The following GAB2 variants were observed in gnomAD, a reference collection of about 807,000 sequenced individuals.
GAB2 encodes the protein GRB2 associated binding protein 2.
GAB2 carries 26 observed loss-of-function variants against 65.5 expected under a neutral mutation model. The observed-to-expected ratio is 0.40, with a 90% CI of 0.29 to 0.55. The LOEUF (loss-of-function observed/expected upper bound fraction) is 0.55. Among genes scored for constraint, GAB2 ranks in the 20% least tolerant of loss-of-function variants. The pLI, the probability that GAB2 is intolerant of heterozygous loss-of-function variation, is 0.53. For missense variants in GAB2, 884 were observed against 875.8 expected (o/e 1.01, Z -0.12); for synonymous variants, 321 against 329.6 (o/e 0.97, Z 0.28).
intron 2 of GAB2, among the ~76,000 whole-genome samples, chr11:78,261,036 GCTGT>G (rs1042496480): frequency 5.3e-5 from 8 of 151,846 alleles, no homozygotes; most frequent in East Asian, 1.9e-4. Context: ...ACTGGAAGAC[GCTGT>G]CTGTCTGTCT....
chr11:78,280,847 C>A lies in GAB2; in HGVS notation c.130G>T (p.Asp44Tyr), dbSNP rs758911105. ...TCGTTCTTGTAGTATTCCAGAACAT[C>A]TGGGTCACCGCTCATCCGGCCACTC... The part of the protein sequence containing the change: ...LRSGRMSGDP[D>Y]VLEYYKNDHS... Residue 44 changes from aspartate to tyrosine, a missense_variant, in exon 2 of 10, where the codon GAT becomes TAT. By Grantham distance (160) the Asp-to-Tyr change is radical. Transcript: ENST00000361507. 3 of 1,614,022 alleles carry A rather than the reference C, an allele frequency of 1.9e-6. No homozygotes were observed. Among genetic ancestry groups the A allele is most frequent in the Non-Finnish European group, 2.5e-6 (3 of 1,179,968 alleles).
chr11:78,294,312 T>C (rs1017508689), intron 1 of GAB2, among the ~76,000 whole-genome samples: 1 of 152,166 alleles, frequency 6.6e-6, no homozygotes, highest in African/African-American at 2.4e-5. Context: ...ATCCAGTCTA[T>C]CGTTGTTGGA....
At chr11:78,258,233 C>T (rs1865645282) in intron 2 of GAB2, among the ~76,000 whole-genome samples, 1 of 152,186 alleles carries the variant, frequency 6.6e-6, no homozygotes, top group Non-Finnish European at 1.5e-5. Flanking sequence ...AGATTAGGAT[C>T]CACTGGTTTG....
intron 1 of GAB2, among the ~76,000 whole-genome samples, chr11:78,346,606 A>C (rs1287768570): frequency 1.4e-5 from 2 of 147,402 alleles, no homozygotes; most frequent in African/African-American, 2.5e-5. Flanking sequence ...AGAAAGGAGA[A>C]TTTACCAAAT....
chr11:78,291,259 T>A (rs1292292067), intron 1 of GAB2, among the ~76,000 whole-genome samples: 1 of 138,310 alleles, frequency 7.2e-6, no homozygotes, highest in East Asian at 2.1e-4. Context: ...GAGACCATCC[T>A]GGCTAATACG....
At chr11:78,244,743 A>G (rs967995085) in intron 3 of GAB2, among the ~76,000 whole-genome samples, 1 of 150,090 alleles carries the variant, frequency 6.7e-6, no homozygotes, top group Admixed American at 6.6e-5. Flanking sequence ...ATGAGATATT[A>G]TCTCACCCCA....
At chr11:78,385,666 G>T (rs566259576) in intron 1 of GAB2, among the ~76,000 whole-genome samples, 1 of 152,324 alleles carries the variant, frequency 6.6e-6, no homozygotes, top group Non-Finnish European at 1.5e-5. Context: ...AGAAACTTTA[G>T]TAGGCAGTTG....
chr11:78,357,415 G>A (rs1856374050), intron 1 of GAB2, among the ~76,000 whole-genome samples: 1 of 152,092 alleles, frequency 6.6e-6, no homozygotes, highest in African/African-American at 2.4e-5. Flanking sequence ...TTGACAAATG[G>A]GATCTAACTA....
In GAB2 at chr11:78,234,230, A is replaced by G. The variant is rs533964728; in HGVS notation, c.621-7179T>C. On this transcript the variant is annotated intron_variant, in intron 3 of 9. Coordinates refer to ENST00000361507, the MANE Select transcript of GAB2 (RefSeq NM_080491.3). ...GCTGAGTAGCTGGGAATGCAAGCAC[A>G]TGTGACCGTGCCTGGCTACTTTTTG... Among the ~76,000 whole-genome samples, 7 of 152,246 alleles carry G rather than the reference A, an allele frequency of 4.6e-5. 1 individual carries two copies. The highest frequency in any genetic ancestry group is 1.7e-4 in the African/African-American group (7 of 41,552).
At chr11:78,405,069 AGAATGTGGG>A (rs1857023933) in intron 1 of GAB2, among the ~76,000 whole-genome samples, 1 of 151,402 alleles carries the variant, frequency 6.6e-6, no homozygotes, top group African/African-American at 2.4e-5. Flanking sequence ...CCTAATCCAC[AGAATGTGGG>A]GAAAAAACAT....
chr11:78,234,409 C>T (rs532958364), intron 3 of GAB2, among the ~76,000 whole-genome samples: 19 of 152,046 alleles, frequency 1.2e-4, no homozygotes, highest in Non-Finnish European at 2.6e-4. Context: ...TTAGATTTTA[C>T]ATTTATGTCT....
In GAB2 at chr11:78,280,447, T is replaced by C. The variant is rs536231888; in HGVS notation, c.376+154A>G. ...GAGCATAATTAGGGCCAGGTGTCCCTCTAATATTTGGCCAACCCCTTCACA... is the reference window on the plus strand; with the variant it reads ...GAGCATAATTAGGGCCAGGTGTCCCCCTAATATTTGGCCAACCCCTTCACA... On this transcript the variant is annotated intron_variant, in intron 2 of 9. Coordinates refer to ENST00000361507, the MANE Select transcript of GAB2 (RefSeq NM_080491.3). 14 of 676,606 alleles carry C rather than the reference T, an allele frequency of 2.1e-5. No homozygotes were observed. The South Asian group carries it at 2.2e-4, about 11-fold the overall frequency. 41.9% of individuals were successfully genotyped at this position (676,606 alleles called of 1,614,324 possible). A position where few individuals can be genotyped will look rare whatever the true frequency, so the allele number is the denominator to read the frequency against.
intron 1 of GAB2, among the ~76,000 whole-genome samples, chr11:78,402,374 G>A (rs1013793624): frequency 6.6e-6 from 1 of 150,466 alleles, no homozygotes; most frequent in African/African-American, 2.5e-5. Flanking sequence ...CATACTAATT[G>A]TTTGATAAAT....
At chr11:78,281,102 C>T (rs542917429) in intron 1 of GAB2, among the ~76,000 whole-genome samples, 2 of 152,016 alleles carry the variant, frequency 1.3e-5, no homozygotes, top group South Asian at 2.1e-4. Flanking sequence ...TACAGACGCA[C>T]ATCACCACGC....
At chr11:78,223,802 GA>G (rs1950821725) in intron 5 of GAB2, 126 bp from the exon 6 acceptor site, 5 of 797,600 alleles carry the variant, frequency 6.3e-6, no homozygotes, top group Non-Finnish European at 1.0e-5. Flanking sequence ...AGCTGTAAGG[GA>G]GACCTTGGGG....
chr11:78,267,832 T>C (rs1442808864), intron 2 of GAB2, among the ~76,000 whole-genome samples: 1 of 108,656 alleles, frequency 9.2e-6, no homozygotes, highest in Admixed American at 1.4e-4. Context: ...CACTCCAGCC[T>C]GGGTGATAGA....
chr11:78,322,811 A>AC (rs1451753234), intron 1 of GAB2, among the ~76,000 whole-genome samples: 12 of 151,988 alleles, frequency 7.9e-5, no homozygotes, highest in African/African-American at 2.9e-4. Flanking sequence ...AAAAAAAAAA[A>AC]AACAACAACA....
Position 78,300,516 on chromosome 11 carries a change from T to TAAAAAAAAAAA in GAB2, c.76-19616_76-19615insTTTTTTTTTTT, listed in dbSNP as rs138790128. 1.1e-3 allele frequency among the ~76,000 whole-genome samples: 152 copies of TAAAAAAAAAAA among 142,750 alleles called. 1 individual carries two copies. The highest frequency in any genetic ancestry group is 3.7e-3 in the African/African-American group (141 of 38,316). The allele number at this position is 142,750 out of a possible 152,430, so 93.6% of individuals were successfully genotyped here. A position where few individuals can be genotyped will look rare whatever the true frequency, so the allele number is the denominator to read the frequency against. On this transcript the variant is annotated intron_variant, in intron 1 of 9. Transcript: ENST00000361507. ...CATAGTAAGTCTACGTTTAATTTTATAAAAAAACAAAAAAACAAAAAACTA... is the reference window on the plus strand; with the variant it reads ...CATAGTAAGTCTACGTTTAATTTTATAAAAAAAAAAAAAAAAAACAAAAAAACAAAAAACTA...
At chr11:78,404,879 T>C (rs778568793) in intron 1 of GAB2, among the ~76,000 whole-genome samples, 1 of 152,178 alleles carries the variant, frequency 6.6e-6, no homozygotes, top group Non-Finnish European at 1.5e-5. Context: ...ATTTATTGTA[T>C]ACTTCAAAAT....
Sources: gnomAD v4.1 joint callset for allele counts (sites outside exome capture counted in the v4.1 genomes callset) on GRCh38, gnomAD v4.1.1 for gene constraint, MANE v1.5 for transcripts, NCBI Gene and HGNC (gene_info 2026-07-23, HGNC 2026-07-21) for gene names.